Variants in EPHA6 observed in about 807,000 individuals in gnomAD.
EPHA6 encodes ephrin type-A receptor 6.
In EPHA6, 50 loss-of-function variants were observed where a neutral mutation model predicts 112.0. The observed-to-expected ratio is 0.45, with a 90% CI of 0.36 to 0.56. EPHA6 has a LOEUF of 0.56. EPHA6 is among the 20% of genes least tolerant of loss of function. EPHA6 has a pLI of 0.00. For synonymous variants in EPHA6, 529 were observed against 490.7 expected (o/e 1.08, Z -1.03); for missense variants, 1,280 against 1,417.4 (o/e 0.90, Z 1.56).
intron 11 of EPHA6, among the ~76,000 whole-genome samples, chr3:97,583,886 G>C (rs886076232): frequency 1.3e-5 from 2 of 152,156 alleles, no homozygotes; most frequent in African/African-American, 4.8e-5. Context: ...AAGGTAGCCT[G>C]TACGGTGGCT....
At chr3:97,264,843 G>A (rs2079620101) in intron 5 of EPHA6, among the ~76,000 whole-genome samples, 1 of 152,146 alleles carries the variant, frequency 6.6e-6, no homozygotes, top group Admixed American at 6.5e-5. Flanking sequence ...GCAGGGCTAG[G>A]AGCTGAACAT....
At chr3:96,958,938 C>CTT (rs1322974804) in intron 2 of EPHA6, among the ~76,000 whole-genome samples, 1 of 152,120 alleles carries the variant, frequency 6.6e-6, no homozygotes, top group Non-Finnish European at 1.5e-5. Flanking sequence ...GTTGTTTTCA[C>CTT]TTTTTTCTAG....
At chr3:97,473,971 G>T (rs1420603553) in intron 7 of EPHA6, among the ~76,000 whole-genome samples, 1 of 151,808 alleles carries the variant, frequency 6.6e-6, no homozygotes, top group Non-Finnish European at 1.5e-5. Flanking sequence ...ACTGAAAACT[G>T]AACATAAATG....
intron 5 of EPHA6, among the ~76,000 whole-genome samples, chr3:97,380,200 TTTTG>T (rs529250546): frequency 5.7e-4 from 87 of 152,320 alleles, no homozygotes; most frequent in Middle Eastern, 3.4e-3. Flanking sequence ...TGAAGACATG[TTTTG>T]TTTGTTTCAG....
At chr3:96,846,538 A>G (rs1009371920) in intron 1 of EPHA6, among the ~76,000 whole-genome samples, 1 of 152,080 alleles carries the variant, frequency 6.6e-6, no homozygotes, top group African/African-American at 2.4e-5. Context: ...ATAATAAGCC[A>G]AACATACTTG....
intron 13 of EPHA6, among the ~76,000 whole-genome samples, chr3:97,631,141 G>A (rs1252382659): frequency 6.6e-6 from 1 of 152,000 alleles, no homozygotes; most frequent in African/African-American, 2.4e-5. Context: ...ATTTCAGAGA[G>A]CAAAACAAAA....
chr3:97,104,287 A>G (rs979857296), intron 3 of EPHA6, among the ~76,000 whole-genome samples: 7 of 152,146 alleles, frequency 4.6e-5, no homozygotes, highest in East Asian at 1.9e-4. Context: ...CAAGTTTGTC[A>G]TAGAAGGCTC....
At chr3:97,149,456 A>G (rs1467476451) in intron 3 of EPHA6, among the ~76,000 whole-genome samples, 1 of 152,102 alleles carries the variant, frequency 6.6e-6, no homozygotes, top group Non-Finnish European at 1.5e-5. Flanking sequence ...GTCTGTCTCC[A>G]CTGTATAATA....
intron 2 of EPHA6, among the ~76,000 whole-genome samples, chr3:96,964,562 T>G (rs1489479626): frequency 6.6e-6 from 1 of 152,230 alleles, no homozygotes; most frequent in African/African-American, 2.4e-5. Flanking sequence ...CTCTTTGTTA[T>G]ACGATCTGTG....
chr3:97,174,376 C>G (rs2076778541), intron 3 of EPHA6, among the ~76,000 whole-genome samples: 1 of 151,804 alleles, frequency 6.6e-6, no homozygotes, highest in Admixed American at 6.6e-5. Context: ...GCAGGTATCT[C>G]TTTAATATAC....
chr3:96,907,507 A>ATT (rs11404136), intron 2 of EPHA6, among the ~76,000 whole-genome samples: 18 of 151,594 alleles, frequency 1.2e-4, no homozygotes, highest in African/African-American at 4.1e-4. Flanking sequence ...TCCTGTTATT[A>ATT]TTTATAATTG....
At chr3:97,737,015 C>T (rs750876451) in intron 16 of EPHA6, among the ~76,000 whole-genome samples, 48 of 151,926 alleles carry the variant, frequency 3.2e-4, no homozygotes, top group Non-Finnish European at 3.4e-4. Context: ...TCTTCAAGGA[C>T]TATTTGAAAC....
intron 3 of EPHA6, among the ~76,000 whole-genome samples, chr3:97,070,630 A>G (rs2046321734): frequency 6.6e-6 from 1 of 152,194 alleles, no homozygotes; most frequent in Non-Finnish European, 1.5e-5. Flanking sequence ...TTTGTAAATA[A>G]CTTGTACACA....
intron 3 of EPHA6, among the ~76,000 whole-genome samples, chr3:97,000,686 A>G (rs557503944): frequency 6.6e-6 from 1 of 151,934 alleles, no homozygotes. Context: ...AATGACATGT[A>G]TGTAATCAAC....
chr3:97,481,235 A>G lies in EPHA6; in HGVS notation c.2074+1871A>G, dbSNP rs919719938. 26 of 1,384,500 alleles carry G rather than the reference A, an allele frequency of 1.9e-5. No individual in the cohort carries two copies. The African/African-American group carries it at 3.1e-4, about 17-fold the overall frequency. 85.8% of individuals were successfully genotyped at this position (1,384,500 alleles called of 1,614,324 possible). A position where few individuals can be genotyped will look rare whatever the true frequency, so the allele number is the denominator to read the frequency against. On this transcript the variant is annotated intron_variant, in intron 9 of 17. Coordinates refer to ENST00000389672, the MANE Select transcript of EPHA6 (RefSeq NM_001080448.3). ...AACCTTTTTCTCCATTACTATTTGG[A>G]CTTTTAGATCACGTACATAACCAGG... is the stretch of plus-strand genomic sequence containing the variant.
At chr3:96,870,973 T>C (rs920955274) in intron 2 of EPHA6, among the ~76,000 whole-genome samples, 22 of 152,076 alleles carry the variant, frequency 1.4e-4, no homozygotes, top group Non-Finnish European at 1.5e-4. Flanking sequence ...TCCAAAACTA[T>C]ACCATGTGCA....
At chr3:97,692,071 G>A (rs1482688469) in intron 14 of EPHA6, among the ~76,000 whole-genome samples, 1 of 152,036 alleles carries the variant, frequency 6.6e-6, no homozygotes, top group East Asian at 1.9e-4. Flanking sequence ...TAGTGATCAT[G>A]GCCCTAAGAA....
rs545597538 is a variant in EPHA6, at chr3:97,463,158, C to T, written c.1895-12194C>T. The stretch of plus-strand genomic sequence containing the variant: ...GGTACATGTGCACAACTTGCAGGTT[C>T]GTTACATATGTATACGTGTGCCATG... On this transcript the variant is annotated intron_variant, in intron 7 of 17. Transcript: ENST00000389672. Among the ~76,000 whole-genome samples, 14 of 152,098 alleles carry T rather than the reference C, an allele frequency of 9.2e-5. No homozygotes were observed. In the East Asian group the frequency reaches 1.2e-3, roughly 13 times the overall value.
At chr3:97,693,131 T>A (rs1217104288) in intron 14 of EPHA6, among the ~76,000 whole-genome samples, 1 of 152,178 alleles carries the variant, frequency 6.6e-6, no homozygotes, top group Non-Finnish European at 1.5e-5. Context: ...GATAGGCATC[T>A]GTAAAGAAGA....
Sources: gnomAD v4.1 joint callset for allele counts (sites outside exome capture counted in the v4.1 genomes callset) on GRCh38, gnomAD v4.1.1 for gene constraint, MANE v1.5 for transcripts, NCBI Gene and HGNC (gene_info 2026-07-23, HGNC 2026-07-21) for gene names.